The following PSKH2 variants were observed in gnomAD, a reference collection of about 807,000 sequenced individuals.
The protein encoded by PSKH2 is serine/threonine-protein kinase H2.
A neutral mutation model predicts 22.5 loss-of-function variants in PSKH2; 16 were observed. The observed-to-expected ratio is 0.71, with a 90% CI of 0.48 to 1.08. The LOEUF is 1.08. Among genes scored for constraint, PSKH2 ranks in the 50% least tolerant of loss-of-function variants. PSKH2 has a pLI of 0.00. For missense variants in PSKH2, 516 were observed against 492.8 expected, an observed-to-expected ratio of 1.05 and a Z score of -0.44; for synonymous variants, 188 against 184.8, an observed-to-expected ratio of 1.02 and a Z score of -0.14.
intron 2 of PSKH2, among the ~76,000 whole-genome samples, chr8:86,051,151 C>T (rs189825376): frequency 9.2e-5 from 14 of 151,898 alleles, no homozygotes; most frequent in Admixed American, 3.3e-4. Context: ...CTGCAACCTC[C>T]GCCTCCCGGG....
At chr8:86,052,068 G>A (rs921570090) in intron 2 of PSKH2, among the ~76,000 whole-genome samples, 3 of 151,786 alleles carry the variant, frequency 2.0e-5, no homozygotes, top group East Asian at 1.9e-4. Context: ...ATACATACAC[G>A]TACATATCTA....
upstream of PSKH2, chr8:86,069,741 T>TGG (rs1206686000): frequency 8.5e-7 from 1 of 1,180,092 alleles, no homozygotes; most frequent in Non-Finnish European, 1.1e-6. Flanking sequence ...GAAACCCCAC[T>TGG]GGGGGGTCGT....
chr8:86,062,247 G>T (rs998324689), intron 2 of PSKH2, among the ~76,000 whole-genome samples: 1 of 152,114 alleles, frequency 6.6e-6, no homozygotes, highest in African/African-American at 2.4e-5. Flanking sequence ...TCTATCATAT[G>T]GATGCTCAGT....
At chr8:86,062,542 C>T (rs1436067776) in intron 2 of PSKH2, among the ~76,000 whole-genome samples, 1 of 152,070 alleles carries the variant, frequency 6.6e-6, no homozygotes, top group Non-Finnish European at 1.5e-5. Flanking sequence ...CCACGTTGTT[C>T]TCATGATAGT....
intron 2 of PSKH2, among the ~76,000 whole-genome samples, chr8:86,058,262 G>GA (rs904129545): frequency 6.6e-6 from 1 of 152,046 alleles, no homozygotes; most frequent in African/African-American, 2.4e-5. Flanking sequence ...CAGCATTGCA[G>GA]AAAAAAACTA....
intron 2 of PSKH2, among the ~76,000 whole-genome samples, chr8:86,056,297 C>A (rs909749247): frequency 1.3e-5 from 2 of 150,716 alleles, no homozygotes; most frequent in Non-Finnish European, 1.5e-5. Flanking sequence ...CCTTGTCTCT[C>A]AAAAAAGAAA....
intron 2 of PSKH2, among the ~76,000 whole-genome samples, chr8:86,058,684 TTG>T (rs1817737783): frequency 6.6e-6 from 1 of 152,100 alleles, no homozygotes; most frequent in African/African-American, 2.4e-5. Flanking sequence ...TAAACAGTAT[TTG>T]GAAAAGGGAA....
chr8:86,051,856 G>A (rs1329085487), intron 2 of PSKH2, among the ~76,000 whole-genome samples: 1 of 152,168 alleles, frequency 6.6e-6, no homozygotes, highest in Non-Finnish European at 1.5e-5. Context: ...AAGTTCTTCA[G>A]CCAAAGCTTA....
chr8:86,069,590 C>A lies in PSKH2; in HGVS notation c.33G>T (p.Pro11=). 1.9e-6 allele frequency: 3 copies of A among 1,595,188 alleles called. No homozygotes were observed. The highest frequency in any genetic ancestry group is 2.6e-6 in the Non-Finnish European group (3 of 1,172,902). The change falls in exon 1 of 3, where the codon CCG becomes CCT. Residue 11 remains proline, a synonymous_variant. Coordinates refer to ENST00000276616, the MANE Select transcript of PSKH2 (RefSeq NM_033126.3). The stretch of plus-strand genomic sequence containing the variant: ...TGGCCCAAGCCAGCGCTGGTGGCCC[C>A]GGGACCACCTTCCTGCTGGCGCCGC... MGCGASRKVV[P]GPPALAWAKH... is the part of the protein sequence containing the mutation.
chr8:86,057,691 A>G (rs1167043553), intron 2 of PSKH2, among the ~76,000 whole-genome samples: 3 of 152,160 alleles, frequency 2.0e-5, no homozygotes, highest in African/African-American at 7.2e-5. Flanking sequence ...TTCCTGGCCT[A>G]AAGTTTTTAC....
chr8:86,053,467 CT>C, intron 2 of PSKH2, among the ~76,000 whole-genome samples: 1 of 152,200 alleles, frequency 6.6e-6, no homozygotes, highest in African/African-American at 2.4e-5. Context: ...TATAGACCCC[CT>C]ATCTCCCCTC....
At chr8:86,051,007 A>G (rs1164446907) in intron 2 of PSKH2, among the ~76,000 whole-genome samples, 2 of 151,982 alleles carry the variant, frequency 1.3e-5, no homozygotes, top group Admixed American at 1.3e-4. Flanking sequence ...CAGTTTCCCA[A>G]GTAACTGTGA....
chr8:86,059,565 A>C (rs1237776689), intron 2 of PSKH2, among the ~76,000 whole-genome samples: 1 of 152,112 alleles, frequency 6.6e-6, no homozygotes, highest in African/African-American at 2.4e-5. Context: ...CCATAGTCAT[A>C]TCTCTTCTCT....
At chr8:86,063,787 C>T (rs59971651) in intron 2 of PSKH2, among the ~76,000 whole-genome samples, 178 bp downstream of exon 2, 9,338 of 152,184 alleles carry the variant, frequency 0.061, 972 homozygotes, top group African/African-American at 0.21. Context: ...CATTTGGGGG[C>T]CCCACAACTG....
In PSKH2 at chr8:86,047,858, A is replaced by C. The variant is rs1817549066; in HGVS notation, c.*604T>G. On this transcript the variant is annotated 3_prime_UTR_variant, in exon 3 of 3. Coordinates refer to ENST00000276616, the MANE Select transcript of PSKH2 (RefSeq NM_033126.3). ...AACATTAGAAAAAAATCACTATTTT[A>C]TGATTCTTAAAAATCTCTATTTTTC... is the stretch of plus-strand genomic sequence containing the variant. Among the ~76,000 whole-genome samples, 1 of 152,108 alleles carries C rather than the reference A, an allele frequency of 6.6e-6. No homozygotes were observed. Among genetic ancestry groups the C allele is most frequent in the Non-Finnish European group, 1.5e-5 (1 of 67,968 alleles).
chr8:86,053,876 T>A (rs1003935092), intron 2 of PSKH2, among the ~76,000 whole-genome samples: 1 of 152,026 alleles, frequency 6.6e-6, no homozygotes, highest in Non-Finnish European at 1.5e-5. Flanking sequence ...ACACTGTCTC[T>A]ACATACAAAA....
At chr8:86,049,675 G>GAAGAAAGA (rs1156489675) in intron 2 of PSKH2, among the ~76,000 whole-genome samples, 27 of 106,030 alleles carry the variant, frequency 2.5e-4, no homozygotes, top group Admixed American at 3.4e-4. Context: ...GAGTGAGAAA[G>GAAGAAAGA]AAGAAAGAAA....
At chr8:86,061,146 T>C (rs539702794) in intron 2 of PSKH2, among the ~76,000 whole-genome samples, 162 of 152,228 alleles carry the variant, frequency 1.1e-3, no homozygotes, top group African/African-American at 3.7e-3. Context: ...ATATCTCCCC[T>C]GCTGAATAAG....
intron 2 of PSKH2, among the ~76,000 whole-genome samples, chr8:86,060,361 G>A (rs915546927): frequency 1.3e-5 from 2 of 152,184 alleles, no homozygotes; most frequent in African/African-American, 4.8e-5. Context: ...ATATTCGGAA[G>A]AAGGGGAAGG....
Sources: allele counts gnomAD v4.1 joint callset (sites outside exome capture counted in the v4.1 genomes callset), GRCh38; gene constraint gnomAD v4.1.1; transcripts MANE v1.5; gene names NCBI Gene and HGNC (gene_info 2026-07-23, HGNC 2026-07-21).